TMEFF2: variants seen among roughly 807,000 people sequenced by gnomAD.
The protein encoded by TMEFF2 is tomoregulin-2.
Under a neutral mutation model 53.8 loss-of-function variants are expected in TMEFF2, and 28 were observed. The ratio of observed to expected loss-of-function variants is 0.52; its 90% confidence interval spans 0.39 to 0.71. The LOEUF is 0.71. Among genes scored for constraint, TMEFF2 ranks in the 30% least tolerant of loss-of-function variants. TMEFF2 has a pLI of 0.00. For missense variants in TMEFF2, 353 were observed against 455.2 expected (o/e 0.78, Z 2.04); for synonymous variants, 162 against 166.3 (o/e 0.97, Z 0.20).
chr2:192,177,439 A>C (rs1342306926), intron 4 of TMEFF2: 1 of 142,018 alleles, frequency 7.0e-6, no homozygotes, highest in Non-Finnish European at 1.5e-5. Flanking sequence ...TTACAGACCA[A>C]AGTAACATGT....
At chr2:192,188,858 TC>T (rs1691386389) in intron 2 of TMEFF2, among the ~76,000 whole-genome samples, 3 of 151,516 alleles carry the variant, frequency 2.0e-5, no homozygotes, top group Non-Finnish European at 2.9e-5. Flanking sequence ...TATCTATCTA[TC>T]TATCTATCTA....
chr2:192,000,158 A>G (rs1028010785), intron 5 of TMEFF2, among the ~76,000 whole-genome samples: 1 of 152,090 alleles, frequency 6.6e-6, no homozygotes, highest in Non-Finnish European at 1.5e-5. Context: ...GTGTACAACC[A>G]TGTTACAGCT....
chr2:192,068,489 G>A (rs1161553368), intron 4 of TMEFF2, among the ~76,000 whole-genome samples: 3 of 151,798 alleles, frequency 2.0e-5, no homozygotes, highest in African/African-American at 7.2e-5. Context: ...GGAGTAAAAG[G>A]ATCAAGGGAG....
Position 192,180,375 on chromosome 2 carries a change from C to T in TMEFF2, c.413-681G>A, listed in dbSNP as rs1458069863. Among the ~76,000 whole-genome samples the T allele has an allele frequency of 2.6e-5, 4 of 151,492 alleles. No individual in the cohort carries two copies. In the South Asian group the frequency reaches 6.2e-4, roughly 24 times the overall value. On this transcript the variant is annotated intron_variant, in intron 3 of 9. Transcript: ENST00000272771. ...TCTCTCCCCTTCCTTCCTTTAATTACAATTGGTCAAAGTTGTCTATTTCTG... is the reference window on the plus strand; with the variant it reads ...TCTCTCCCCTTCCTTCCTTTAATTATAATTGGTCAAAGTTGTCTATTTCTG...
At chr2:192,112,702 G>A (rs755882615) in intron 4 of TMEFF2, among the ~76,000 whole-genome samples, 2 of 152,112 alleles carry the variant, frequency 1.3e-5, no homozygotes, top group Non-Finnish European at 2.9e-5. Context: ...TGTCCTCACC[G>A]AAATCTCATC....
At position 191,950,235 on chromosome 2, in the gene TMEFF2, CTTATT is replaced by C; in HGVS notation, c.*71_*75del. 7.3e-7 allele frequency: 1 copy of C among 1,360,546 alleles called. No homozygotes were observed. The highest frequency in any genetic ancestry group is 9.6e-7 in the Non-Finnish European group (1 of 1,046,354). 84.3% of individuals were successfully genotyped at this position (1,360,546 alleles called of 1,614,324 possible). A position where few individuals can be genotyped will look rare whatever the true frequency, so the allele number is the denominator to read the frequency against. On this transcript the variant is annotated 3_prime_UTR_variant, in exon 10 of 10. Coordinates refer to ENST00000272771, the MANE Select transcript of TMEFF2 (RefSeq NM_016192.4). ...AAGGCAACATGTGTAGATCTCTTGTCTTATTCTTTTGTCTATAATACTGTATTGTG... is the reference window on the plus strand; with the variant it reads ...AAGGCAACATGTGTAGATCTCTTGTCCTTTTGTCTATAATACTGTATTGTG...
intron 4 of TMEFF2, among the ~76,000 whole-genome samples, chr2:192,160,427 T>C (rs1420326997): frequency 6.6e-6 from 1 of 152,154 alleles, no homozygotes; most frequent in Non-Finnish European, 1.5e-5. Context: ...AAATTTGGCT[T>C]CTGGCACAAC....
chr2:192,040,934 AT>A (rs1687461860), intron 5 of TMEFF2, among the ~76,000 whole-genome samples: 1 of 152,204 alleles, frequency 6.6e-6, no homozygotes, highest in Non-Finnish European at 1.5e-5. Context: ...TAACAAATGA[AT>A]TTGGACCCCT....
chr2:192,016,473 G>A (rs976656682), intron 5 of TMEFF2, among the ~76,000 whole-genome samples: 1 of 152,124 alleles, frequency 6.6e-6, no homozygotes, highest in Non-Finnish European at 1.5e-5. Context: ...CTCATCAACC[G>A]AAACATGAGC....
chr2:192,177,588 ATG>A lies in TMEFF2; in HGVS notation c.439+2078_439+2079del, dbSNP rs202066692. 66 of 151,172 alleles carry A rather than the reference ATG, an allele frequency of 4.4e-4. No individual in the cohort carries two copies. In the East Asian group the frequency reaches 0.013, roughly 29 times the overall value. The allele number at this position is 151,172 out of a possible 1,614,324, so 9.4% of individuals were successfully genotyped here. A position where few individuals can be genotyped will look rare whatever the true frequency, so the allele number is the denominator to read the frequency against. On this transcript the variant is annotated intron_variant, in intron 4 of 9. Transcript: ENST00000272771. ...TTTAAAAGAATAAGCTCAGAATTAAATGTGTTATATGCTTTTTTTTTCTAAAG... is the reference window on the plus strand; with the variant it reads ...TTTAAAAGAATAAGCTCAGAATTAAATGTTATATGCTTTTTTTTTCTAAAG...
intron 9 of TMEFF2, 50 bp downstream of exon 9, chr2:191,953,629 A>G: frequency 6.3e-7 from 1 of 1,586,896 alleles, no homozygotes; most frequent in Non-Finnish European, 8.6e-7. Flanking sequence ...TAAATAAAAG[A>G]GTAACAATAT....
chr2:192,130,232 AT>A (rs938188894), intron 4 of TMEFF2, among the ~76,000 whole-genome samples: 1 of 152,016 alleles, frequency 6.6e-6, no homozygotes. Context: ...AAGAACTCAG[AT>A]TTTTTTCCTA....
chr2:192,164,598 T>C (rs1690711124), intron 4 of TMEFF2, among the ~76,000 whole-genome samples: 1 of 151,872 alleles, frequency 6.6e-6, no homozygotes, highest in Non-Finnish European at 1.5e-5. Flanking sequence ...CGTGGTGGTA[T>C]GTGCCTGCAA....
intron 8 of TMEFF2, among the ~76,000 whole-genome samples, chr2:191,954,188 G>A (rs1431308815): frequency 1.3e-5 from 2 of 152,082 alleles, no homozygotes; most frequent in Non-Finnish European, 2.9e-5. Flanking sequence ...CGCCCGGCCT[G>A]CATTCATTTT....
chr2:192,159,088 T>C (rs1042301808), intron 4 of TMEFF2, among the ~76,000 whole-genome samples: 1 of 152,160 alleles, frequency 6.6e-6, no homozygotes, highest in Non-Finnish European at 1.5e-5. Flanking sequence ...GATTATTTTG[T>C]AACCCCACAG....
rs1054246023 is a variant in TMEFF2, at chr2:191,987,162, G to T, written c.745+11100C>A. ...TATATCTGGCCTCCACCCACTAGAT[G>T]CCAGCAGTACTTACCCCTGCCCCTT... On this transcript the variant is annotated intron_variant, in intron 7 of 9. Coordinates refer to ENST00000272771, the MANE Select transcript of TMEFF2 (RefSeq NM_016192.4). 2.0e-5 allele frequency among the ~76,000 whole-genome samples: 3 copies of T among 152,052 alleles called. No homozygotes were observed. In the East Asian group the frequency reaches 5.8e-4, roughly 29 times the overall value.
intron 2 of TMEFF2, among the ~76,000 whole-genome samples, chr2:192,189,295 G>GTCTCACA (rs1691400911): frequency 6.6e-6 from 1 of 152,046 alleles, no homozygotes; most frequent in Non-Finnish European, 1.5e-5. Context: ...TGTAATCCTA[G>GTCTCACA]CACTTTGGGA....
intron 7 of TMEFF2, among the ~76,000 whole-genome samples, chr2:191,965,599 C>A (rs1422367770): frequency 1.3e-5 from 2 of 152,178 alleles, no homozygotes; most frequent in African/African-American, 2.4e-5. Context: ...GCTAACAGTA[C>A]TCAGAAGGCA....
intron 5 of TMEFF2, among the ~76,000 whole-genome samples, chr2:192,009,919 C>T (rs1231144377): frequency 2.0e-5 from 3 of 152,134 alleles, no homozygotes; most frequent in South Asian, 4.1e-4. Flanking sequence ...TTAGTTTTGA[C>T]ATTTTGCTTA....
Sources: gnomAD v4.1 joint callset for allele counts (sites outside exome capture counted in the v4.1 genomes callset) on GRCh38, gnomAD v4.1.1 for gene constraint, MANE v1.5 for transcripts, NCBI Gene and HGNC (gene_info 2026-07-23, HGNC 2026-07-21) for gene names.